SH3GL3: variants seen among roughly 807,000 people sequenced by gnomAD.
The protein encoded by SH3GL3 is endophilin-A3.
SH3GL3 carries 33 observed loss-of-function variants against 47.7 expected under a neutral mutation model. That is an observed-to-expected ratio of 0.69 (90% CI 0.52 to 0.92). The LOEUF is 0.92. Among genes scored for constraint, SH3GL3 ranks in the 40% least tolerant of loss-of-function variants. The pLI, the probability that SH3GL3 is intolerant of heterozygous loss-of-function variation, is 0.00. For synonymous variants in SH3GL3, 155 were observed against 148.8 expected, an observed-to-expected ratio of 1.04 and a Z score of -0.30; for missense variants, 363 against 417.8, an observed-to-expected ratio of 0.87 and a Z score of 1.14.
At chr15:83,580,052 C>T (rs1182228897) in intron 6 of SH3GL3, among the ~76,000 whole-genome samples, 1 of 152,202 alleles carries the variant, frequency 6.6e-6, no homozygotes, top group African/African-American at 2.4e-5. Context: ...ATACATTGAA[C>T]CCTTGGCCCT....
At chr15:83,520,045 G>C (rs1048327375) in intron 1 of SH3GL3, among the ~76,000 whole-genome samples, 3 of 152,086 alleles carry the variant, frequency 2.0e-5, no homozygotes, top group African/African-American at 7.2e-5. Context: ...CCAGAGTATC[G>C]GCATCTTCTT....
intron 1 of SH3GL3, among the ~76,000 whole-genome samples, chr15:83,539,430 C>A (rs972729425): frequency 6.6e-6 from 1 of 152,184 alleles, no homozygotes; most frequent in African/African-American, 2.4e-5. Context: ...GGCCTATCAT[C>A]TTCTGAAGAC....
At chr15:83,577,504 G>A (rs868604851) in intron 6 of SH3GL3, among the ~76,000 whole-genome samples, 5 of 152,076 alleles carry the variant, frequency 3.3e-5, no homozygotes, top group Admixed American at 6.5e-5. Flanking sequence ...AGGCTCAAGC[G>A]ATCTTCCCAC....
chr15:83,539,019 CTTGTG>C (rs2151696190), intron 1 of SH3GL3, among the ~76,000 whole-genome samples: 1 of 152,236 alleles, frequency 6.6e-6, no homozygotes, highest in East Asian at 1.9e-4. Flanking sequence ...CTTGGAAACA[CTTGTG>C]TTGTTGTTGT....
At chr15:83,509,600 T>C (rs2042661355) in intron 1 of SH3GL3, among the ~76,000 whole-genome samples, 1 of 152,206 alleles carries the variant, frequency 6.6e-6, no homozygotes, top group Admixed American at 6.5e-5. Context: ...ATTTACCAGG[T>C]TGGTCAGTAC....
At chr15:83,615,459 C>T (rs2060787734) in intron 8 of SH3GL3, among the ~76,000 whole-genome samples, 1 of 152,070 alleles carries the variant, frequency 6.6e-6, no homozygotes. Flanking sequence ...GGATTACAGA[C>T]ATGCGCTACC....
intron 6 of SH3GL3, among the ~76,000 whole-genome samples, chr15:83,581,074 C>A (rs2059817094): frequency 6.6e-6 from 1 of 152,162 alleles, no homozygotes; most frequent in Non-Finnish European, 1.5e-5. Flanking sequence ...AGAGCTGGTG[C>A]CTTCTCCAGC....
At position 83,530,616 on chromosome 15, in the gene SH3GL3, G is replaced by GT. The variant is rs35185131; in HGVS notation, c.46-28626dup. Among the ~76,000 whole-genome samples, 348 of 142,312 alleles carry GT rather than the reference G, an allele frequency of 2.4e-3. 1 individual carries two copies. The highest frequency in any genetic ancestry group is 3.6e-3 in the Middle Eastern group (1 of 274). 93.4% of individuals were successfully genotyped at this position (142,312 alleles called of 152,430 possible). A position where few individuals can be genotyped will look rare whatever the true frequency, so the allele number is the denominator to read the frequency against. Reference sequence around the variant, plus strand: ...TCCCCGGCCCCTCCTCAGGTCAACTGTTTTTTTTTTTAATAAGAGGATTTT... The same window carrying GT: ...TCCCCGGCCCCTCCTCAGGTCAACTGTTTTTTTTTTTTAATAAGAGGATTTT... On this transcript the variant is annotated intron_variant, in intron 1 of 8. Transcript: ENST00000427482.
At chr15:83,501,629 C>T (rs981668360) in intron 1 of SH3GL3, among the ~76,000 whole-genome samples, 1 of 152,186 alleles carries the variant, frequency 6.6e-6, no homozygotes, top group African/African-American at 2.4e-5. Flanking sequence ...CAGTGGCTCA[C>T]GCCTGTAATC....
downstream of SH3GL3, among the ~76,000 whole-genome samples, chr15:83,618,954 A>G (rs998259401): frequency 1.3e-5 from 2 of 152,134 alleles, no homozygotes; most frequent in East Asian, 1.9e-4. Context: ...CTTCAAGTTT[A>G]TTTATAAAAG....
intron 1 of SH3GL3, among the ~76,000 whole-genome samples, chr15:83,489,733 G>A (rs2041779506): frequency 6.6e-6 from 1 of 152,128 alleles, no homozygotes; most frequent in Non-Finnish European, 1.5e-5. Context: ...CCCTTTCCAG[G>A]TGAAAGCAAG....
intron 1 of SH3GL3, among the ~76,000 whole-genome samples, chr15:83,482,612 G>C (rs1050608625): frequency 3.3e-5 from 5 of 151,878 alleles, no homozygotes; most frequent in Non-Finnish European, 7.4e-5. Context: ...TCCTGCCTCA[G>C]CCTCCGGAGT....
chr15:83,537,884 T>C (rs925994943), intron 1 of SH3GL3, among the ~76,000 whole-genome samples: 1 of 152,164 alleles, frequency 6.6e-6, no homozygotes, highest in Non-Finnish European at 1.5e-5. Flanking sequence ...TATGCCTCTC[T>C]CTCTATAGAT....
chr15:83,599,912 T>G (rs1380205209), intron 8 of SH3GL3, among the ~76,000 whole-genome samples: 1 of 152,242 alleles, frequency 6.6e-6, no homozygotes, highest in African/African-American at 2.4e-5. Flanking sequence ...TATCGCATTG[T>G]GGTTTTGATT....
At chr15:83,524,672 A>G (rs1485430741) in intron 1 of SH3GL3, among the ~76,000 whole-genome samples, 2 of 151,376 alleles carry the variant, frequency 1.3e-5, no homozygotes, top group Non-Finnish European at 1.5e-5. Context: ...TCACCCCGCA[A>G]CACACCCTTC....
chr15:83,576,809 C>T (rs894386351), intron 6 of SH3GL3, 68 bp downstream of exon 6: 53 of 1,157,962 alleles, frequency 4.6e-5, no homozygotes, highest in African/African-American at 6.3e-5. Context: ...TGACTATGAT[C>T]GGCATGTTGA....
At chr15:83,450,753 A>ATT (rs1198458829) in intron 1 of SH3GL3, among the ~76,000 whole-genome samples, 650 of 24,400 alleles carry the variant, frequency 0.027, no homozygotes, top group Non-Finnish European at 0.036. Context: ...AAAATGGGAT[A>ATT]TTTTTCTTTT....
intron 1 of SH3GL3, among the ~76,000 whole-genome samples, chr15:83,526,986 A>AT (rs1268055958): frequency 2.0e-5 from 3 of 152,090 alleles, no homozygotes; most frequent in African/African-American, 7.2e-5. Context: ...TGTAAATGGG[A>AT]TTGCCTTCTT....
At chr15:83,508,928 G>A (rs1323030256) in intron 1 of SH3GL3, among the ~76,000 whole-genome samples, 1 of 152,150 alleles carries the variant, frequency 6.6e-6, no homozygotes, top group Non-Finnish European at 1.5e-5. Context: ...GCTCCTTTGA[G>A]AATAGATTTT....
Sources: allele counts gnomAD v4.1 joint callset (sites outside exome capture counted in the v4.1 genomes callset), GRCh38; gene constraint gnomAD v4.1.1; transcripts MANE v1.5; gene names NCBI Gene and HGNC (gene_info 2026-07-23, HGNC 2026-07-21).